Variants in PDIA4 observed in about 807,000 individuals in gnomAD.
PDIA4 encodes protein disulfide-isomerase A4.
A neutral mutation model predicts 62.1 loss-of-function variants in PDIA4; 33 were observed. The observed-to-expected ratio is 0.53, with a 90% CI of 0.40 to 0.71. PDIA4 has a LOEUF of 0.71. Among genes scored for constraint, PDIA4 ranks in the 30% least tolerant of loss-of-function variants. The pLI is 0.00. For missense variants in PDIA4, 804 were observed against 813.6 expected (o/e 0.99, Z 0.14); for synonymous variants, 341 against 324.1 (o/e 1.05, Z -0.56).
chr7:149,019,235 G>A, intron 2 of PDIA4, 38 bp from the exon 3 acceptor site: 1 of 1,374,786 alleles, frequency 7.3e-7, no homozygotes. Context: ...AACGTTAACT[G>A]TACCTATGGG....
rs558497999 is a variant in PDIA4 at position 149,028,216 on chromosome 7, C to G, written c.88+105G>C. 282 of 786,438 alleles carry G rather than the reference C, an allele frequency of 3.6e-4. 1 individual carries two copies. The African/African-American group carries it at 4.3e-3, about 12-fold the overall frequency. 48.7% of individuals were successfully genotyped at this position (786,438 alleles called of 1,614,324 possible). ...TCGGCGCCCATCACTAGTTCTGGAG[C>G]TGACCGCGCGGAAGCCCGCCCGCCG... On this transcript the variant is annotated intron_variant, in intron 1 of 9. Transcript: ENST00000652332.
intron 4 of PDIA4, 152 bp from the exon 5 acceptor site, chr7:149,012,512 T>C (rs1823983112): frequency 1.5e-6 from 1 of 655,430 alleles, no homozygotes. Flanking sequence ...GGCCCTCAGG[T>C]GCTGTTGAGG....
chr7:149,011,823 C>G lies in PDIA4; in HGVS notation c.979+23G>C, dbSNP rs772718911. The G allele has an allele frequency of 6.4e-5, 97 of 1,514,650 alleles. 1 individual carries two copies. The East Asian group carries it at 2.2e-3, about 34-fold the overall frequency. The allele number at this position is 1,514,650 out of a possible 1,614,324, so 93.8% of individuals were successfully genotyped here. A position where few individuals can be genotyped will look rare whatever the true frequency, so the allele number is the denominator to read the frequency against. ...CGGCCCAAGGCACGCACATTTTGTT[C>G]AGCCCAGAGGGCCACAACTCACCGG... On this transcript the variant is annotated intron_variant, in intron 6 of 9. Coordinates refer to ENST00000652332, the MANE Select transcript of PDIA4 (RefSeq NM_004911.5).
Position 149,014,997 on chromosome 7 carries a change from G to C in PDIA4, c.521C>G (p.Pro174Arg). 1 of 1,614,172 alleles carries C rather than the reference G, an allele frequency of 6.2e-7. No homozygotes were observed. Among genetic ancestry groups the C allele is most frequent in the Non-Finnish European group, 8.5e-7 (1 of 1,180,006 alleles). Reference sequence around the variant, plus strand: ...CAACACAAGCGTGACTTCTGGTGGAGGCGTCCAGTCGGGCTGGGAGACTTC... The same window carrying C: ...CAACACAAGCGTGACTTCTGGTGGACGCGTCCAGTCGGGCTGGGAGACTTC... ...VREVSQPDWT[P>R]PPEVTLVLTK... Residue 174 changes from proline to arginine, a missense_variant, in exon 4 of 10, where the codon CCT becomes CGT. Pro to Arg is a moderately radical substitution (Grantham distance 103). Coordinates refer to ENST00000652332, the MANE Select transcript of PDIA4 (RefSeq NM_004911.5).
chr7:149,004,284 A>G lies in PDIA4; in HGVS notation c.1523-75T>C, dbSNP rs1404552633. 3 of 1,438,398 alleles carry G rather than the reference A, an allele frequency of 2.1e-6. No individual in the cohort carries two copies. The Admixed American group carries it at 5.9e-5, about 28-fold the overall frequency. The allele number at this position is 1,438,398 out of a possible 1,614,324, so 89.1% of individuals were successfully genotyped here. Reference sequence around the variant, plus strand: ...AGATTCTGGGGGCTCTCTCTGGACCAGGCAGTGAGGTTGGTGTGGCCACCA... The same window carrying G: ...AGATTCTGGGGGCTCTCTCTGGACCGGGCAGTGAGGTTGGTGTGGCCACCA... On this transcript the variant is annotated intron_variant, in intron 9 of 9. Transcript: ENST00000652332.
rs1352689395 is a variant in PDIA4 at position 149,019,164 on chromosome 7, A to G, written c.303T>C (p.Tyr101=). The G allele has an allele frequency of 6.2e-7, 1 of 1,613,868 alleles. No individual in the cohort carries two copies. Among genetic ancestry groups the G allele is most frequent in the Non-Finnish European group, 8.5e-7 (1 of 1,179,876 alleles). ...CCTTTAATATGTTGGCAATTTTTTCATATTCCGGAGCAAACTGCTTGCAAT... is the reference window on the plus strand; with the variant it reads ...CCTTTAATATGTTGGCAATTTTTTCGTATTCCGGAGCAAACTGCTTGCAAT... ...CGHCKQFAPE[Y]EKIANILKDK... Residue 101 remains tyrosine, a synonymous_variant, in exon 3 of 10, where the codon TAT becomes TAC. Transcript: ENST00000652332.
At position 149,014,991 on chromosome 7, in the gene PDIA4, G is replaced by A. The variant is rs760927952; in HGVS notation, c.527C>T (p.Pro176Leu). ...EVSQPDWTPP[P>L]EVTLVLTKEN... is the part of the protein sequence containing the mutation. ...TTTGGTCAACACAAGCGTGACTTCT[G>A]GTGGAGGCGTCCAGTCGGGCTGGGA... The change falls in exon 4 of 10, where the codon CCA (proline) becomes CTA (leucine). Residue 176 changes from proline to leucine, a missense_variant. Transcript: ENST00000652332. 3.1e-6 allele frequency: 5 copies of A among 1,613,996 alleles called. No homozygotes were observed. The East Asian group carries it at 1.1e-4, about 36-fold the overall frequency.
intron 1 of PDIA4, among the ~76,000 whole-genome samples, chr7:149,025,070 C>CAAAAAAAAAAAAAA (rs1184341612): frequency 1.4e-5 from 1 of 70,246 alleles, no homozygotes; most frequent in African/African-American, 4.7e-5. Context: ...AACTCCATCT[C>CAAAAAAAAAAAAAA]AAAAAAAAAA....
intron 3 of PDIA4, among the ~76,000 whole-genome samples, chr7:149,016,744 C>A (rs1007583368): frequency 1.3e-5 from 2 of 152,134 alleles, no homozygotes; most frequent in African/African-American, 2.4e-5. Flanking sequence ...ATCTCCTGAC[C>A]TCGTGATCCA....
chr7:149,009,476 C>T (rs1361406346), intron 6 of PDIA4, among the ~76,000 whole-genome samples: 1 of 152,202 alleles, frequency 6.6e-6, no homozygotes, highest in Non-Finnish European at 1.5e-5. Flanking sequence ...ACCCAGCACC[C>T]TTCGTGGAGG....
At chr7:149,022,560 C>T (rs1165097636) in intron 1 of PDIA4, among the ~76,000 whole-genome samples, 3 of 152,116 alleles carry the variant, frequency 2.0e-5, no homozygotes, top group African/African-American at 7.2e-5. Context: ...GCCAATTATT[C>T]TTTTCTGGAG....
intron 7 of PDIA4, among the ~76,000 whole-genome samples, chr7:149,007,531 G>A (rs1217963084): frequency 3.3e-5 from 5 of 152,184 alleles, no homozygotes; most frequent in Admixed American, 3.3e-4. Context: ...CCAAATCTGA[G>A]ATCTACTCAC....
chr7:149,014,470 C>G (rs1258184506), intron 4 of PDIA4, among the ~76,000 whole-genome samples: 1 of 152,124 alleles, frequency 6.6e-6, no homozygotes, highest in Non-Finnish European at 1.5e-5. Context: ...AAGCCAGGCT[C>G]CCCTCTCCCT....
intron 3 of PDIA4, among the ~76,000 whole-genome samples, 167 bp downstream of exon 3, chr7:149,018,825 C>G (rs1824238131): frequency 7.2e-6 from 1 of 139,010 alleles, no homozygotes; most frequent in Non-Finnish European, 1.6e-5. Context: ...CACTACTCCC[C>G]CCTCCTACCC....
chr7:149,013,731 A>C (rs1323211362), intron 4 of PDIA4, among the ~76,000 whole-genome samples: 1 of 152,058 alleles, frequency 6.6e-6, no homozygotes, highest in African/African-American at 2.4e-5. Flanking sequence ...CACACACAAA[A>C]ACACATCAAA....
chr7:149,008,583 G>A (rs1823840148), intron 6 of PDIA4, among the ~76,000 whole-genome samples: 1 of 152,086 alleles, frequency 6.6e-6, no homozygotes, highest in Admixed American at 6.6e-5. Context: ...CAAGCCTGTA[G>A]TCCCAACTAC....
At chr7:149,027,868 C>G (rs763103118) in intron 1 of PDIA4, 1 of 475,196 alleles carries the variant, frequency 2.1e-6, no homozygotes, top group Non-Finnish European at 4.4e-6. Flanking sequence ...AAAAGGAATG[C>G]TTGCTGTTCC....
intron 3 of PDIA4, among the ~76,000 whole-genome samples, 190 bp from the exon 4 acceptor site, chr7:149,015,232 CTA>C (rs1824088487): frequency 6.6e-6 from 1 of 152,126 alleles, no homozygotes; most frequent in Non-Finnish European, 1.5e-5. Context: ...AGAAGGTTCG[CTA>C]TTTCCCAACA....
At chr7:149,021,291 C>A (rs982421949) in intron 1 of PDIA4, 144 bp from the exon 2 acceptor site, 51 of 726,392 alleles carry the variant, frequency 7.0e-5, no homozygotes, top group Non-Finnish European at 1.1e-4. Context: ...GAGTTCAAGA[C>A]CAGCCTGGCC....
Sources: allele counts gnomAD v4.1 joint callset (sites outside exome capture counted in the v4.1 genomes callset), GRCh38; gene constraint gnomAD v4.1.1; transcripts MANE v1.5; gene names NCBI Gene and HGNC (gene_info 2026-07-23, HGNC 2026-07-21).